The following EPB41L5 variants were observed in gnomAD, a reference collection of about 807,000 sequenced individuals.
The protein encoded by EPB41L5 is erythrocyte membrane protein band 4.1 like 5.
Under a neutral mutation model 106.6 loss-of-function variants are expected in EPB41L5, and 55 were observed. The observed-to-expected ratio is 0.52, with a 90% CI of 0.42 to 0.65. EPB41L5 has a LOEUF of 0.65. EPB41L5 is among the 30% of genes least tolerant of loss of function. EPB41L5 has a pLI of 0.00. For missense variants in EPB41L5, 871 were observed against 882.1 expected (o/e 0.99, Z 0.16); for synonymous variants, 297 against 306.7 (o/e 0.97, Z 0.33).
Position 120,077,220 on chromosome 2 carries a change from A to G in EPB41L5, c.627-9A>G, listed in dbSNP as rs1248228601. 1 of 1,600,790 alleles carries G rather than the reference A, an allele frequency of 6.2e-7. No individual in the cohort carries two copies. The highest frequency in any genetic ancestry group is 8.5e-7 in the Non-Finnish European group (1 of 1,174,956). On this transcript the variant is annotated splice_polypyrimidine_tract_variant and intron_variant, in intron 8 of 24. Coordinates refer to ENST00000263713, the MANE Select transcript of EPB41L5 (RefSeq NM_020909.4). ...TTGTTACTTTAAAAATCATTGTTTTAAATTTCAGAGGTCAAACACCAGCAC... is the reference window on the plus strand; with the variant it reads ...TTGTTACTTTAAAAATCATTGTTTTGAATTTCAGAGGTCAAACACCAGCAC...
At chr2:120,106,564 C>A (rs1482177492) in intron 16 of EPB41L5, 2 of 985,336 alleles carry the variant, frequency 2.0e-6, no homozygotes, top group Non-Finnish European at 2.4e-6. Context: ...GGGTCACCAT[C>A]CTTTTGATCA....
At chr2:120,082,670 A>T (rs1173168841) in intron 10 of EPB41L5, among the ~76,000 whole-genome samples, 1 of 152,190 alleles carries the variant, frequency 6.6e-6, no homozygotes, top group East Asian at 1.9e-4. Flanking sequence ...GAATAGTTTC[A>T]GAAGGAATGG....
In EPB41L5 at chr2:120,075,688, G is replaced by C; in HGVS notation, c.453-13G>C. The stretch of plus-strand genomic sequence containing the variant: ...AAATCAACTTGTCTAACAAACTTGT[G>C]TTTTGGTCTCAGATTAGACTGTCCC... On this transcript the variant is annotated splice_polypyrimidine_tract_variant and intron_variant, in intron 6 of 24. Coordinates refer to ENST00000263713, the MANE Select transcript of EPB41L5 (RefSeq NM_020909.4). 6.2e-7 allele frequency: 1 copy of C among 1,611,202 alleles called. No homozygotes were observed. The highest frequency in any genetic ancestry group is 8.5e-7 in the Non-Finnish European group (1 of 1,177,680).
chr2:120,019,870 C>G (rs963150601), intron 2 of EPB41L5, among the ~76,000 whole-genome samples: 1 of 151,528 alleles, frequency 6.6e-6, no homozygotes, highest in Non-Finnish European at 1.5e-5. Context: ...TAGTCTTTAT[C>G]TCAAGACAGG....
chr2:120,156,846 C>T (rs568997661), intron 20 of EPB41L5, among the ~76,000 whole-genome samples: 15 of 152,270 alleles, frequency 9.9e-5, no homozygotes, highest in South Asian at 2.1e-4. Context: ...TAGTGGGAGA[C>T]GTCAACAGCC....
At chr2:120,086,864 T>C (rs1440543517) in intron 10 of EPB41L5, among the ~76,000 whole-genome samples, 1 of 152,196 alleles carries the variant, frequency 6.6e-6, no homozygotes, top group Non-Finnish European at 1.5e-5. Flanking sequence ...CTGGAACAAT[T>C]TTCCCTAGAC....
intron 20 of EPB41L5, among the ~76,000 whole-genome samples, chr2:120,147,804 T>C (rs1360017509): frequency 6.6e-6 from 1 of 152,178 alleles, no homozygotes; most frequent in African/African-American, 2.4e-5. Flanking sequence ...CTCTTGAAGC[T>C]GGAAAGAGCC....
chr2:120,021,904 T>C (rs1182026724), intron 2 of EPB41L5, among the ~76,000 whole-genome samples: 1 of 152,232 alleles, frequency 6.6e-6, no homozygotes, highest in Non-Finnish European at 1.5e-5. Context: ...CACATACTCA[T>C]TTCCCATTAC....
At chr2:120,013,461 G>T (rs974907088) in intron 1 of EPB41L5, 6 of 152,208 alleles carry the variant, frequency 3.9e-5, no homozygotes, top group African/African-American at 1.4e-4. Flanking sequence ...CGACGGGCCG[G>T]GGCGGAGGGC....
intron 2 of EPB41L5, among the ~76,000 whole-genome samples, chr2:120,024,341 T>G (rs1456819504): frequency 1.3e-5 from 2 of 152,234 alleles, no homozygotes; most frequent in African/African-American, 4.8e-5. Flanking sequence ...TAAATTATTT[T>G]AAGATACGTT....
At chr2:120,105,173 C>G (rs1222157519) in intron 16 of EPB41L5, 1 of 978,870 alleles carries the variant, frequency 1.0e-6, no homozygotes, top group East Asian at 1.1e-4. Flanking sequence ...GAATTTCAAG[C>G]TCCTTGGTTT....
chr2:120,043,571 AT>A (rs781103253), intron 3 of EPB41L5, among the ~76,000 whole-genome samples: 17 of 87,572 alleles, frequency 1.9e-4, no homozygotes, highest in South Asian at 7.1e-4. Context: ...GATGATTTTT[AT>A]TTAAAAAAAA....
At chr2:120,014,985 AC>A (rs1162203069) in intron 1 of EPB41L5, among the ~76,000 whole-genome samples, 2 of 138,038 alleles carry the variant, frequency 1.4e-5, no homozygotes, top group African/African-American at 2.6e-5. Flanking sequence ...AAAAAAAAAA[AC>A]CCACAACTTT....
chr2:120,177,486 A>G lies in EPB41L5; in HGVS notation c.*2579A>G, dbSNP rs962503340. The G allele has an allele frequency of 6.6e-6, 1 of 152,118 alleles. No homozygotes were observed. Among genetic ancestry groups the G allele is most frequent in the Non-Finnish European group, 1.5e-5 (1 of 68,034 alleles). The allele number at this position is 152,118 out of a possible 1,614,324, so 9.4% of individuals were successfully genotyped here. On this transcript the variant is annotated 3_prime_UTR_variant, in exon 25 of 25. Coordinates refer to ENST00000263713, the MANE Select transcript of EPB41L5 (RefSeq NM_020909.4). ...ACTCAGTCCATTTCATAGCCCTGATAGGGGAAGTGGGAGTTGACAGGATGG... is the reference window on the plus strand; with the variant it reads ...ACTCAGTCCATTTCATAGCCCTGATGGGGGAAGTGGGAGTTGACAGGATGG...
intron 20 of EPB41L5, among the ~76,000 whole-genome samples, chr2:120,152,506 G>A (rs867882764): frequency 3.3e-5 from 5 of 152,256 alleles, no homozygotes; most frequent in Middle Eastern, 3.4e-3. Flanking sequence ...TTCTACCTCA[G>A]CCTCCCAAAT....
intron 3 of EPB41L5, among the ~76,000 whole-genome samples, chr2:120,044,141 T>TA (rs201677401): frequency 0.053 from 6,993 of 130,960 alleles, 224 homozygotes; most frequent in Non-Finnish European, 0.077. Flanking sequence ...CCCTGTCTCT[T>TA]AAAAAAAAAA....
chr2:120,134,883 T>C (rs768362739), intron 18 of EPB41L5, among the ~76,000 whole-genome samples: 1 of 151,994 alleles, frequency 6.6e-6, no homozygotes, highest in Non-Finnish European at 1.5e-5. Flanking sequence ...AATACCCAAC[T>C]CTTTAATGCC....
rs13407720 is a variant in EPB41L5, at chr2:120,069,890, C to T, written c.286-3288C>T. Reference sequence around the variant, plus strand: ...GAAAGATCTAAAATCGACACCCTAACGTCACGATTAAAAGAACTAGAGAAG... The same window carrying T: ...GAAAGATCTAAAATCGACACCCTAATGTCACGATTAAAAGAACTAGAGAAG... On this transcript the variant is annotated intron_variant, in intron 3 of 24. Transcript: ENST00000263713. Among the ~76,000 whole-genome samples, 1,468 of 152,182 alleles carry T rather than the reference C, an allele frequency of 9.6e-3. 16 individuals are homozygous for T. The highest frequency in any genetic ancestry group is 0.034 in the African/African-American group (1,408 of 41,512).
chr2:120,166,540 C>T (rs551017226), intron 22 of EPB41L5, among the ~76,000 whole-genome samples: 4 of 151,952 alleles, frequency 2.6e-5, no homozygotes, highest in South Asian at 2.1e-4. Flanking sequence ...CGCCTCCAAG[C>T]GATTCTCCTG....
Sources: gnomAD v4.1 joint callset for allele counts (sites outside exome capture counted in the v4.1 genomes callset) on GRCh38, gnomAD v4.1.1 for gene constraint, MANE v1.5 for transcripts, NCBI Gene and HGNC (gene_info 2026-07-23, HGNC 2026-07-21) for gene names.